Variants in IL1RAPL1 observed in about 807,000 individuals in gnomAD.
IL1RAPL1 encodes the protein interleukin-1 receptor accessory protein-like 1.
Under a neutral mutation model 48.4 loss-of-function variants are expected in IL1RAPL1, and 3 were observed. That is an observed-to-expected ratio of 0.06 (90% CI 0.03 to 0.16). The LOEUF (loss-of-function observed/expected upper bound fraction) is 0.16, where lower values mean the gene tolerates loss of function less well. Ranked by LOEUF, IL1RAPL1 falls within the 10% of genes least tolerant of loss-of-function variation. The pLI is 1.00. For missense variants in IL1RAPL1, 349 were observed against 530.6 expected, an observed-to-expected ratio of 0.66 and a Z score of 3.36; for synonymous variants, 185 against 187.7, an observed-to-expected ratio of 0.99 and a Z score of 0.12.
chrX:29,865,058 C>T (rs1931662843), intron 6 of IL1RAPL1, among the ~76,000 whole-genome samples: 1 of 112,036 alleles, frequency 8.9e-6, no homozygotes, highest in Non-Finnish European at 1.9e-5. Context: ...CAAAGGATTT[C>T]ATGCATCCAG....
chrX:28,588,980 C>T (rs1001498913), intron 1 of IL1RAPL1, among the ~76,000 whole-genome samples: 1 of 111,811 alleles, frequency 8.9e-6, no homozygotes, highest in African/African-American at 3.3e-5. Flanking sequence ...TCTGCTACAT[C>T]TATTTTACCC....
At chrX:29,680,851 C>T (rs867250560) in intron 6 of IL1RAPL1, among the ~76,000 whole-genome samples, 2 of 111,661 alleles carry the variant, frequency 1.8e-5, no homozygotes, top group African/African-American at 3.3e-5. Context: ...GTAGTGCATA[C>T]GTCTCAACTC....
intron 8 of IL1RAPL1, among the ~76,000 whole-genome samples, chrX:29,927,910 GAGAGAAGGGA>G (rs1411518452): frequency 5.0e-5 from 5 of 99,667 alleles, no homozygotes; most frequent in East Asian, 3.8e-4. Flanking sequence ...GGGAGGGAGG[GAGAGAAGGGA>G]AGAGAAGGGA....
chrX:29,830,791 A>G (rs766500825), intron 6 of IL1RAPL1, among the ~76,000 whole-genome samples: 7 of 111,338 alleles, frequency 6.3e-5, no homozygotes, highest in Non-Finnish European at 1.3e-4. Flanking sequence ...ATGGGACTGA[A>G]CCAACCAGTG....
At chrX:29,466,409 T>G (rs1934862984) in intron 5 of IL1RAPL1, among the ~76,000 whole-genome samples, 1 of 112,151 alleles carries the variant, frequency 8.9e-6, no homozygotes, top group Non-Finnish European at 1.9e-5. Context: ...AGAAAAAACC[T>G]GAAACCTCCT....
At chrX:29,094,146 C>A (rs1569235464) in intron 2 of IL1RAPL1, among the ~76,000 whole-genome samples, 1 of 111,911 alleles carries the variant, frequency 8.9e-6, no homozygotes, top group Non-Finnish European at 1.9e-5. Flanking sequence ...AAAATTATTT[C>A]TTGTACCATG....
intron 1 of IL1RAPL1, among the ~76,000 whole-genome samples, chrX:28,744,051 T>C (rs966616827): frequency 9.0e-6 from 1 of 111,337 alleles, no homozygotes; most frequent in Non-Finnish European, 1.9e-5. Context: ...TATATTTTTG[T>C]TTATTTCCCT....
intron 2 of IL1RAPL1, among the ~76,000 whole-genome samples, chrX:28,933,402 G>A (rs1305115811): frequency 1.8e-5 from 2 of 111,457 alleles, no homozygotes; most frequent in Admixed American, 9.5e-5. Context: ...GAGTCACTGT[G>A]GGAGAGTGTC....
intron 2 of IL1RAPL1, among the ~76,000 whole-genome samples, chrX:28,846,754 T>A (rs1921519866): frequency 8.9e-6 from 1 of 112,026 alleles, no homozygotes; most frequent in Non-Finnish European, 1.9e-5. Context: ...CTGCAATATT[T>A]CGTTTTAAGC....
intron 5 of IL1RAPL1, among the ~76,000 whole-genome samples, chrX:29,637,935 G>A (rs752666031): frequency 2.1e-4 from 23 of 111,662 alleles, no homozygotes; most frequent in African/African-American, 6.5e-4. Context: ...TTCACACAGC[G>A]GACCTATGTT....
chrX:29,284,976 C>A (rs1286003810), intron 3 of IL1RAPL1, among the ~76,000 whole-genome samples: 1 of 111,486 alleles, frequency 9.0e-6, no homozygotes, highest in Non-Finnish European at 1.9e-5. Flanking sequence ...TGCTGTGTTT[C>A]TTTTTAAAAA....
At chrX:29,272,554 A>G (rs991374236) in intron 2 of IL1RAPL1, among the ~76,000 whole-genome samples, 1 of 110,830 alleles carries the variant, frequency 9.0e-6, no homozygotes, top group African/African-American at 3.3e-5. Context: ...TTTGTAGGTG[A>G]CCTGCCCCTT....
intron 5 of IL1RAPL1, among the ~76,000 whole-genome samples, chrX:29,495,400 A>G (rs1935202509): frequency 8.9e-6 from 1 of 111,988 alleles, no homozygotes; most frequent in African/African-American, 3.2e-5. Flanking sequence ...AGTTTAGGGC[A>G]AAGAAAGTAG....
intron 8 of IL1RAPL1, among the ~76,000 whole-genome samples, chrX:29,924,671 T>A (rs1019749598): frequency 2.7e-5 from 3 of 111,031 alleles, no homozygotes; most frequent in South Asian, 3.8e-4. Context: ...GGGTTATGTT[T>A]CCTTATATGG....
chrX:29,253,569 C>A (rs1304077179), intron 2 of IL1RAPL1, among the ~76,000 whole-genome samples: 1 of 111,123 alleles, frequency 9.0e-6, no homozygotes, highest in Non-Finnish European at 1.9e-5. Context: ...TAATTGGCCC[C>A]ACAACTCCTT....
chrX:29,560,531 C>T (rs1922156912), intron 5 of IL1RAPL1, among the ~76,000 whole-genome samples: 1 of 111,443 alleles, frequency 9.0e-6, no homozygotes, highest in Non-Finnish European at 1.9e-5. Context: ...ATGGGAAGCT[C>T]TAAATTCTGT....
intron 1 of IL1RAPL1, among the ~76,000 whole-genome samples, chrX:28,709,741 CGATTTTATGTAGGAGGTTAGT>C (rs1935417904): frequency 9.0e-6 from 1 of 110,555 alleles, no homozygotes; most frequent in Non-Finnish European, 1.9e-5. Context: ...CAAACCTAGG[CGATTTTATGTAGGAGGTTAGT>C]TGATGGTAGG....
intron 3 of IL1RAPL1, among the ~76,000 whole-genome samples, chrX:29,316,566 A>G (rs192423627): frequency 8.9e-6 from 1 of 112,219 alleles, no homozygotes; most frequent in Non-Finnish European, 1.9e-5. Flanking sequence ...TGAAGGCAGG[A>G]GTTTTAGGCA....
In IL1RAPL1 at chrX:28,915,067, C is replaced by T. The variant is rs1274369241; in HGVS notation, c.82+125642C>T. On this transcript the variant is annotated intron_variant, in intron 2 of 10. Transcript: ENST00000378993. ...ATGGTTTGGGGTTGAAAGTGTTCCA[C>T]CTCAGATCTTCAGGCATTAGTTAGA... is the stretch of plus-strand genomic sequence containing the variant. 3.6e-5 allele frequency among the ~76,000 whole-genome samples: 4 copies of T among 111,612 alleles called. No individual in the cohort carries two copies. The Admixed American group carries it at 3.8e-4, about 11-fold the overall frequency.
Sources: allele counts gnomAD v4.1 joint callset (sites outside exome capture counted in the v4.1 genomes callset), GRCh38; gene constraint gnomAD v4.1.1; transcripts MANE v1.5; gene names NCBI Gene and HGNC (gene_info 2026-07-23, HGNC 2026-07-21).